Variants in SLC24A3 observed in about 807,000 individuals in gnomAD.
SLC24A3 encodes the protein solute carrier family 24 member 3, also known as sodium/potassium/calcium exchanger 3.
Under a neutral mutation model 75.8 loss-of-function variants are expected in SLC24A3, and 28 were observed. The observed-to-expected ratio is 0.37, with a 90% CI of 0.27 to 0.51. The LOEUF (loss-of-function observed/expected upper bound fraction) is 0.51, where lower values mean the gene tolerates loss of function less well. Among genes scored for constraint, SLC24A3 ranks in the 20% least tolerant of loss-of-function variants. The pLI, the probability that SLC24A3 is intolerant of heterozygous loss-of-function variation, is 0.94. For synonymous variants in SLC24A3, 372 were observed against 334.1 expected (o/e 1.11, Z -1.24); for missense variants, 663 against 847.8 (o/e 0.78, Z 2.71).
intron 2 of SLC24A3, among the ~76,000 whole-genome samples, chr20:19,331,237 A>G (rs6136683): frequency 0.16 from 24,393 of 152,196 alleles, 4,169 homozygotes; most frequent in African/African-American, 0.41. Context: ...TGCTGTGGTC[A>G]TGTTAGGGAA....
rs116401744 is a variant in SLC24A3, at chr20:19,327,745, C to G, written c.271+46658C>G. On this transcript the variant is annotated intron_variant, in intron 2 of 16. Transcript: ENST00000328041. Reference sequence around the variant, plus strand: ...TTCATGGTCTGATGCATGGGTGCATCCTTCTTGTTTTGTCTCCATTTCCAC... The same window carrying G: ...TTCATGGTCTGATGCATGGGTGCATGCTTCTTGTTTTGTCTCCATTTCCAC... Among the ~76,000 whole-genome samples the G allele has an allele frequency of 2.9e-3, 435 of 152,306 alleles. 3 individuals are homozygous for G. Among genetic ancestry groups the G allele is most frequent in the African/African-American group, 9.6e-3 (401 of 41,556 alleles).
intron 1 of SLC24A3, among the ~76,000 whole-genome samples, chr20:19,247,056 A>G (rs182604323): frequency 1.9e-4 from 29 of 152,374 alleles, no homozygotes; most frequent in African/African-American, 5.8e-4. Context: ...GCATTTCAAC[A>G]TAAGAAGTAC....
At chr20:19,579,253 G>A (rs1242384343) in intron 3 of SLC24A3, among the ~76,000 whole-genome samples, 1 of 152,164 alleles carries the variant, frequency 6.6e-6, no homozygotes, top group African/African-American at 2.4e-5. Context: ...GATTTCATTA[G>A]TTGGAGAGGA....
intron 1 of SLC24A3, among the ~76,000 whole-genome samples, chr20:19,230,746 G>T (rs1284884630): frequency 3.9e-5 from 6 of 152,068 alleles, no homozygotes; most frequent in Non-Finnish European, 8.8e-5. Flanking sequence ...GGACCCATGT[G>T]CCCTTCCACA....
chr20:19,288,752 T>C (rs1369169675), intron 2 of SLC24A3, among the ~76,000 whole-genome samples: 2 of 152,222 alleles, frequency 1.3e-5, no homozygotes, highest in East Asian at 1.9e-4. Context: ...TTATGGTTTC[T>C]AGTGGCTTCT....
intron 2 of SLC24A3, among the ~76,000 whole-genome samples, chr20:19,452,375 G>GCTGTGTGT (rs1406107585): frequency 1.3e-5 from 1 of 79,478 alleles, no homozygotes; most frequent in African/African-American, 4.9e-5. Context: ...TCCTGTGGGG[G>GCTGTGTGT]ATGTGTGTGT....
rs976734019 is a variant in SLC24A3, at chr20:19,536,570, C to G, written c.348+21006C>G. Among the ~76,000 whole-genome samples, 4 of 152,176 alleles carry G rather than the reference C, an allele frequency of 2.6e-5. No individual in the cohort carries two copies. In the East Asian group the frequency reaches 7.7e-4, roughly 29 times the overall value. ...CAAAAAAGAGTCCGCATTGCCAAGT[C>G]AATCCTAAGCCAAAAGAACAAAGCT... is the stretch of plus-strand genomic sequence containing the variant. On this transcript the variant is annotated intron_variant, in intron 3 of 16. Coordinates refer to ENST00000328041, the MANE Select transcript of SLC24A3 (RefSeq NM_020689.4).
rs796592446 is a variant in SLC24A3, at chr20:19,346,259, GTA to G, written c.271+65182_271+65183del. On this transcript the variant is annotated intron_variant, in intron 2 of 16. Transcript: ENST00000328041. ...TATATATATGGTGTATATATATATGGTATATATATATGGTGTATATATATATG... is the reference window on the plus strand; with the variant it reads ...TATATATATGGTGTATATATATATGGTATATATATGGTGTATATATATATG... Among the ~76,000 whole-genome samples the G allele has an allele frequency of 4.1e-4, 33 of 79,832 alleles. 3 individuals are homozygous for G. Among genetic ancestry groups the G allele is most frequent in the East Asian group, 2.3e-3 (6 of 2,630 alleles). 52.4% of individuals were successfully genotyped at this position (79,832 alleles called of 152,430 possible).
At chr20:19,243,405 A>G (rs961009429) in intron 1 of SLC24A3, among the ~76,000 whole-genome samples, 2 of 152,150 alleles carry the variant, frequency 1.3e-5, no homozygotes, top group African/African-American at 4.8e-5. Context: ...CCCCAAAATA[A>G]CTGCGAATTT....
At chr20:19,672,767 G>A (rs1415278371) in intron 8 of SLC24A3, among the ~76,000 whole-genome samples, 1 of 152,170 alleles carries the variant, frequency 6.6e-6, no homozygotes, top group African/African-American at 2.4e-5. Context: ...AAACCCTTGT[G>A]TATGTATCCT....
chr20:19,693,192 A>G (rs1568700431), intron 12 of SLC24A3, 67 bp from the exon 13 acceptor site: 1 of 1,519,170 alleles, frequency 6.6e-7, no homozygotes, highest in Admixed American at 2.1e-5. Context: ...AGAGCAAAGA[A>G]ATAAAGCTAA....
chr20:19,411,756 T>C (rs1986747379), intron 2 of SLC24A3, among the ~76,000 whole-genome samples: 3 of 152,238 alleles, frequency 2.0e-5, no homozygotes, highest in African/African-American at 7.2e-5. Context: ...GAAACGCAAA[T>C]GTTTCACTTG....
At chr20:19,397,527 T>G (rs1485883156) in intron 2 of SLC24A3, among the ~76,000 whole-genome samples, 2 of 152,142 alleles carry the variant, frequency 1.3e-5, no homozygotes, top group East Asian at 3.8e-4. Flanking sequence ...ATAACAGACA[T>G]TTGTTGTCTT....
chr20:19,694,205 A>G (rs1181560715), intron 13 of SLC24A3: 1 of 152,216 alleles, frequency 6.6e-6, no homozygotes, highest in South Asian at 2.1e-4. Context: ...TCCAGAATGC[A>G]TTACCCATTT....
chr20:19,472,843 A>T (rs1361396546), intron 2 of SLC24A3, among the ~76,000 whole-genome samples: 1 of 152,212 alleles, frequency 6.6e-6, no homozygotes, highest in African/African-American at 2.4e-5. Context: ...ACCCTTGGGC[A>T]TGCGGACTTC....
chr20:19,383,383 T>A lies in SLC24A3; in HGVS notation c.271+102296T>A, dbSNP rs143294207. Among the ~76,000 whole-genome samples, 27 of 151,752 alleles carry A rather than the reference T, an allele frequency of 1.8e-4. No homozygotes were observed. In the East Asian group the frequency reaches 5.2e-3, roughly 29 times the overall value. ...TAACAGTCTTCTATGGAAGTTAAGT[T>A]TTTTTTTTCCCACTACCCCCAGGCA... On this transcript the variant is annotated intron_variant, in intron 2 of 16. Coordinates refer to ENST00000328041, the MANE Select transcript of SLC24A3 (RefSeq NM_020689.4).
chr20:19,650,654 C>T (rs1020832749), intron 6 of SLC24A3, among the ~76,000 whole-genome samples: 2 of 152,060 alleles, frequency 1.3e-5, no homozygotes, highest in Non-Finnish European at 2.9e-5. Flanking sequence ...CTTCTCACTA[C>T]CCAGCCCCCA....
At chr20:19,704,476 A>G (rs2032906237) in intron 15 of SLC24A3, among the ~76,000 whole-genome samples, 2 of 152,236 alleles carry the variant, frequency 1.3e-5, no homozygotes, top group Non-Finnish European at 2.9e-5. Context: ...TCAGAAGTGA[A>G]CAAGGTAGAC....
At chr20:19,575,131 A>G (rs1197234610) in intron 3 of SLC24A3, among the ~76,000 whole-genome samples, 1 of 151,922 alleles carries the variant, frequency 6.6e-6, no homozygotes, top group Admixed American at 6.6e-5. Context: ...ACACATCTGT[A>G]GTCCCAGCTA....
Sources: allele counts gnomAD v4.1 joint callset (sites outside exome capture counted in the v4.1 genomes callset), GRCh38; gene constraint gnomAD v4.1.1; transcripts MANE v1.5; gene names NCBI Gene and HGNC (gene_info 2026-07-23, HGNC 2026-07-21).